Variants in PCDHGC4 observed in about 807,000 individuals in gnomAD.
PCDHGC4 encodes protocadherin gamma subfamily C, 4, also known as protocadherin gamma-C4.
PCDHGC4 carries 15 observed loss-of-function variants against 59.7 expected under a neutral mutation model. That is an observed-to-expected ratio of 0.25 (90% CI 0.17 to 0.39). PCDHGC4 has a LOEUF of 0.39. Ranked by LOEUF, PCDHGC4 falls within the 10% of genes least tolerant of loss-of-function variation. The probability of loss-of-function intolerance (pLI) is 1.00; values close to 1 mark genes in which losing one functional copy is unlikely to be tolerated. For synonymous variants in PCDHGC4, 434 were observed against 481.4 expected, an observed-to-expected ratio of 0.90 and a Z score of 1.29; for missense variants, 1,016 against 1,189.5, an observed-to-expected ratio of 0.85 and a Z score of 2.15.
intron 1 of PCDHGC4, among the ~76,000 whole-genome samples, chr5:141,488,511 G>A (rs2099676160): frequency 6.6e-6 from 1 of 152,162 alleles, no homozygotes. Context: ...CCACATTTGG[G>A]GTCTGGGGTG....
chr5:141,502,864 G>GGCTTTTTT (rs2099816401), intron 2 of PCDHGC4, among the ~76,000 whole-genome samples: 1 of 61,572 alleles, frequency 1.6e-5, no homozygotes, highest in Non-Finnish European at 3.0e-5. Flanking sequence ...CTGACTCTCT[G>GGCTTTTTT]TCTTTTTTTT....
Position 141,485,581 on chromosome 5 carries a change from G to C in PCDHGC4, c.408G>C (p.Gln136His). The C allele has an allele frequency of 6.2e-7, 1 of 1,612,458 alleles. No individual in the cohort carries two copies. The highest frequency in any genetic ancestry group is 8.5e-7 in the Non-Finnish European group (1 of 1,178,652). The part of the protein sequence containing the change: ...VNDHAPRFPR[Q>H]QLDLEIGEAA... ...ATCACGCCCCCCGTTTTCCGCGGCA[G>C]CAGCTGGACTTGGAAATTGGGGAGG... Residue 136 changes from glutamine to histidine, a missense_variant, in exon 1 of 4, where the codon CAG becomes CAC. Coordinates refer to ENST00000306593, the MANE Select transcript of PCDHGC4 (RefSeq NM_018928.3). This position sits in a 1 kb window ranked among gnomAD's most constrained non-coding sequence, Gnocchi z 5.7.
At chr5:141,501,290 T>TACACACACAC (rs55762287) in intron 2 of PCDHGC4, among the ~76,000 whole-genome samples, 12 of 136,162 alleles carry the variant, frequency 8.8e-5, no homozygotes, top group Admixed American at 4.7e-4. Context: ...TATTCCCTTA[T>TACACACACAC]ACACACACAC....
Position 141,491,522 on chromosome 5 carries a change from A to G in PCDHGC4, c.2443-3285A>G, listed in dbSNP as rs778246278. ...TCGGACGGCACGCTCAAGTACATGG[A>G]GGTGACGCTGCGGCCCACAGACTCG... is the stretch of plus-strand genomic sequence containing the variant. On this transcript the variant is annotated intron_variant, in intron 1 of 3. Coordinates refer to ENST00000306593, the MANE Select transcript of PCDHGC4 (RefSeq NM_018928.3). The surrounding 1 kb of genome is among the most constrained non-coding windows in gnomAD (Gnocchi z 6.9). 8.1e-6 allele frequency: 13 copies of G among 1,614,024 alleles called. No homozygotes were observed. Among genetic ancestry groups the G allele is most frequent in the Non-Finnish European group, 1.1e-5 (13 of 1,180,002 alleles).
In PCDHGC4 at chr5:141,485,985, T is replaced by C. The variant is rs748867624; in HGVS notation, c.812T>C (p.Leu271Pro). 5.6e-6 allele frequency: 9 copies of C among 1,614,086 alleles called. No homozygotes were observed. Among genetic ancestry groups the C allele is most frequent in the South Asian group, 5.5e-5 (5 of 91,094 alleles). The change falls in exon 1 of 4, where the codon CTG (leucine) becomes CCG (proline). Residue 271 changes from leucine (L) to proline (P), a missense_variant. Coordinates refer to ENST00000306593, the MANE Select transcript of PCDHGC4 (RefSeq NM_018928.3). The surrounding 1 kb of genome is among the most constrained non-coding windows in gnomAD (Gnocchi z 5.7). ...CAGCTCAATGCCTCAGACCCGGACC[T>C]GGGTCCCAGTGGTAACGTCACCTTT... Reference protein sequence around the residue: ...LIQLNASDPDLGPSGNVTFYF... With the variant: ...LIQLNASDPDPGPSGNVTFYF...
Position 141,491,067 on chromosome 5 carries a change from G to A in PCDHGC4, c.2442+3452G>A, listed in dbSNP as rs752758445. On this transcript the variant is annotated intron_variant, in intron 1 of 3. Coordinates refer to ENST00000306593, the MANE Select transcript of PCDHGC4 (RefSeq NM_018928.3). This position sits in a 1 kb window ranked among gnomAD's most constrained non-coding sequence, Gnocchi z 6.9. ...ACAATGCGTGGCTCTCCTACTCACT[G>A]TTGCCACAGTCCACAGCCCCAGGAC... is the stretch of plus-strand genomic sequence containing the variant. 6.2e-7 allele frequency: 1 copy of A among 1,614,200 alleles called. No individual in the cohort carries two copies. Among genetic ancestry groups the A allele is most frequent in the East Asian group, 2.2e-5 (1 of 44,892 alleles).
At position 141,489,947 on chromosome 5, in the gene PCDHGC4, A is replaced by G. The variant is rs368977481; in HGVS notation, c.2442+2332A>G. The G allele has an allele frequency of 5.4e-5, 87 of 1,614,090 alleles. No individual in the cohort carries two copies. Among genetic ancestry groups the G allele is most frequent in the South Asian group, 6.6e-5 (6 of 91,094 alleles). ...ATCTCTGTCATCGTGCTGGACATCA[A>G]TGATAATGCTCCAACCTTCCAATCC... On this transcript the variant is annotated intron_variant, in intron 1 of 3. Transcript: ENST00000306593. This position sits in a 1 kb window ranked among gnomAD's most constrained non-coding sequence, Gnocchi z 4.5.
intron 3 of PCDHGC4, among the ~76,000 whole-genome samples, chr5:141,506,879 G>T (rs958969109): frequency 6.6e-6 from 1 of 152,172 alleles, no homozygotes; most frequent in Non-Finnish European, 1.5e-5. Flanking sequence ...AGAACCAGGT[G>T]AAATCACAAG....
intron 3 of PCDHGC4, among the ~76,000 whole-genome samples, chr5:141,507,805 G>C (rs2099863746): frequency 6.6e-6 from 1 of 152,204 alleles, no homozygotes; most frequent in Non-Finnish European, 1.5e-5. Flanking sequence ...TGCGCCCTGG[G>C]GAACGGACCC....
Position 141,490,854 on chromosome 5 carries a change from C to T in PCDHGC4, c.2442+3239C>T. On this transcript the variant is annotated intron_variant, in intron 1 of 3. Transcript: ENST00000306593. The surrounding 1 kb of genome is among the most constrained non-coding windows in gnomAD (Gnocchi z 5.4). The stretch of plus-strand genomic sequence containing the variant: ...TGCAGATTGTGGTGGGGGTTCGAGA[C>T]TCCGGCTCTCCCCCATTGCATGCCA... 6.2e-7 allele frequency: 1 copy of T among 1,613,900 alleles called. No homozygotes were observed. The highest frequency in any genetic ancestry group is 8.5e-7 in the Non-Finnish European group (1 of 1,179,914).
At position 141,485,662 on chromosome 5, in the gene PCDHGC4, G is replaced by T. The variant is rs778404230; in HGVS notation, c.489G>T (p.Gly163=). ...PLEKAQDADV[G]SNSISSYRLS... ...AAAAGGCTCAGGATGCAGATGTGGG[G>T]AGCAATTCGATTAGCAGCTATAGGC... Residue 163 remains glycine (G), a synonymous_variant, in exon 1 of 4, where the codon GGG becomes GGT. Coordinates refer to ENST00000306593, the MANE Select transcript of PCDHGC4 (RefSeq NM_018928.3). This position sits in a 1 kb window ranked among gnomAD's most constrained non-coding sequence, Gnocchi z 5.7. The T allele has an allele frequency of 1.1e-5, 18 of 1,612,748 alleles. No individual in the cohort carries two copies. The South Asian group carries it at 1.9e-4, about 17-fold the overall frequency.
At chr5:141,488,062 T>C (rs1488970442) in intron 1 of PCDHGC4, among the ~76,000 whole-genome samples, 1 of 152,152 alleles carries the variant, frequency 6.6e-6, no homozygotes, top group Non-Finnish European at 1.5e-5. Flanking sequence ...AAATAAAATC[T>C]TTGTCTCCCA....
In PCDHGC4 at chr5:141,486,858, C is replaced by T. The variant is rs2099636039; in HGVS notation, c.1685C>T (p.Ala562Val). The T allele has an allele frequency of 2.5e-6, 4 of 1,614,246 alleles. No homozygotes were observed. The highest frequency in any genetic ancestry group is 1.1e-5 in the South Asian group (1 of 91,088). The change falls in exon 1 of 4, where the codon GCT becomes GTT. Residue 562 changes from alanine to valine, a missense_variant. Transcript: ENST00000306593. The surrounding 1 kb of genome is among the most constrained non-coding windows in gnomAD (Gnocchi z 5.0). ...RLFVLDLNDN[A>V]PAVLRPRARP... ...TTTGTGCTGGACCTCAATGACAATGCTCCAGCTGTGCTCCGTCCTCGGGCC... is the reference window on the plus strand; with the variant it reads ...TTTGTGCTGGACCTCAATGACAATGTTCCAGCTGTGCTCCGTCCTCGGGCC...
At chr5:141,504,065 G>C (rs1291060280) in intron 2 of PCDHGC4, among the ~76,000 whole-genome samples, 2 of 152,060 alleles carry the variant, frequency 1.3e-5, no homozygotes, top group African/African-American at 2.4e-5. Context: ...AAACTTCTCT[G>C]AGCCAGATGG....
At chr5:141,499,423 GA>G (rs1229901490) in intron 2 of PCDHGC4, among the ~76,000 whole-genome samples, 3 of 151,756 alleles carry the variant, frequency 2.0e-5, no homozygotes, top group Non-Finnish European at 2.9e-5. Flanking sequence ...ATGAAAAATA[GA>G]AAAAAAATTA....
In PCDHGC4 at chr5:141,511,925, G is replaced by C. The variant is rs2099884008; in HGVS notation, c.*752G>C. 1 of 155,320 alleles carries C rather than the reference G, an allele frequency of 6.4e-6. No homozygotes were observed. Among genetic ancestry groups the C allele is most frequent in the Admixed American group, 6.3e-5 (1 of 15,924 alleles). 9.6% of individuals were successfully genotyped at this position (155,320 alleles called of 1,614,324 possible). A position where few individuals can be genotyped will look rare whatever the true frequency, so the allele number is the denominator to read the frequency against. ...CCTCAAACAAGAGACTCCACTGCAT[G>C]TTCCAAGACAGTATGGGGTGGTAAG... On this transcript the variant is annotated 3_prime_UTR_variant, in exon 4 of 4. Coordinates refer to ENST00000306593, the MANE Select transcript of PCDHGC4 (RefSeq NM_018928.3).
rs1046764113 is a variant in PCDHGC4, at chr5:141,495,395, G to A, written c.2501+530G>A. Among the ~76,000 whole-genome samples the A allele has an allele frequency of 4.1e-4, 62 of 152,326 alleles. 1 individual carries two copies. The highest frequency in any genetic ancestry group is 1.4e-3 in the African/African-American group (57 of 41,576). On this transcript the variant is annotated intron_variant, in intron 2 of 3. Transcript: ENST00000306593. Reference sequence around the variant, plus strand: ...GAGGAAGGACTGGGCGGGGCATGGAGCAGGCCCCCTTCTCCGGCCCCTCCT... The same window carrying A: ...GAGGAAGGACTGGGCGGGGCATGGAACAGGCCCCCTTCTCCGGCCCCTCCT...
In PCDHGC4 at chr5:141,511,539, C is replaced by CGAGAT; in HGVS notation, c.*366_*367insGAGAT. 3.0e-6 allele frequency: 1 copy of CGAGAT among 328,342 alleles called. No individual in the cohort carries two copies. Among genetic ancestry groups the CGAGAT allele is most frequent in the South Asian group, 3.2e-5 (1 of 31,708 alleles). 20.3% of individuals were successfully genotyped at this position (328,342 alleles called of 1,614,324 possible). On this transcript the variant is annotated 3_prime_UTR_variant, in exon 4 of 4. Transcript: ENST00000306593. ...CATCCCATGCCTCCCTCCTCCCCAC[C>CGAGAT]CCACTCCAACAGTTCCTCTTTCCCG...
intron 1 of PCDHGC4, among the ~76,000 whole-genome samples, chr5:141,492,409 C>T (rs1367119266): frequency 6.6e-6 from 1 of 152,230 alleles, no homozygotes. Context: ...TCCCCTCTGC[C>T]GCTCCCTCCG....
Sources: gnomAD v4.1 joint callset for allele counts (sites outside exome capture counted in the v4.1 genomes callset) on GRCh38, gnomAD v4.1.1 for gene constraint, Gnocchi (gnomAD v3.1) non-coding constraint, MANE v1.5 for transcripts, NCBI Gene and HGNC (gene_info 2026-07-23, HGNC 2026-07-21) for gene names.